The following FBXL17 variants were observed in gnomAD, a reference collection of about 807,000 sequenced individuals.
The protein encoded by FBXL17 is F-box and leucine rich repeat protein 17.
In FBXL17, 22 loss-of-function variants were observed where a neutral mutation model predicts 66.2. The observed-to-expected ratio is 0.33, with a 90% CI of 0.24 to 0.47. The LOEUF is 0.47. FBXL17 is among the 20% of genes least tolerant of loss of function. The probability of loss-of-function intolerance (pLI) is 1.00; values close to 1 mark genes in which losing one functional copy is unlikely to be tolerated. For synonymous variants in FBXL17, 474 were observed against 400.5 expected (o/e 1.18, Z -2.19); for missense variants, 878 against 948.2 (o/e 0.93, Z 0.97).
At chr5:108,294,840 A>C (rs1758280065) in intron 4 of FBXL17, among the ~76,000 whole-genome samples, 1 of 152,154 alleles carries the variant, frequency 6.6e-6, no homozygotes, top group Admixed American at 6.5e-5. Context: ...ACCTTGTTAC[A>C]GAATGACTTA....
chr5:108,237,175 T>C (rs1425251052), intron 4 of FBXL17, among the ~76,000 whole-genome samples: 3 of 152,136 alleles, frequency 2.0e-5, no homozygotes, highest in Non-Finnish European at 4.4e-5. Context: ...TAATGAAGGG[T>C]TTATTTCACT....
At chr5:108,315,836 A>G (rs1759337327) in intron 4 of FBXL17, among the ~76,000 whole-genome samples, 1 of 151,574 alleles carries the variant, frequency 6.6e-6, no homozygotes, top group Admixed American at 6.6e-5. Context: ...ACCAATTAAC[A>G]TGTCATAAGT....
intron 6 of FBXL17, among the ~76,000 whole-genome samples, chr5:108,160,112 G>C (rs1458932254): frequency 1.3e-5 from 2 of 152,160 alleles, no homozygotes; most frequent in Non-Finnish European, 2.9e-5. Flanking sequence ...GGACCTATTT[G>C]TACTCACGTT....
At chr5:108,178,666 G>A (rs1029394119) in intron 6 of FBXL17, among the ~76,000 whole-genome samples, 1 of 152,090 alleles carries the variant, frequency 6.6e-6, no homozygotes, top group Non-Finnish European at 1.5e-5. Context: ...ACCTAACCAG[G>A]CACATTATTA....
At chr5:108,206,397 C>T (rs1219303059) in intron 5 of FBXL17, among the ~76,000 whole-genome samples, 1 of 151,990 alleles carries the variant, frequency 6.6e-6, no homozygotes, top group East Asian at 1.9e-4. Context: ...ACTGACATAC[C>T]AAAGACTGCA....
chr5:108,368,983 A>C (rs1341520802), intron 1 of FBXL17, among the ~76,000 whole-genome samples: 1 of 150,660 alleles, frequency 6.6e-6, no homozygotes, highest in East Asian at 1.9e-4. Context: ...TGTGGACCTC[A>C]AGATCTTGAC....
intron 4 of FBXL17, among the ~76,000 whole-genome samples, chr5:108,335,225 C>A: frequency 7.0e-6 from 1 of 142,054 alleles, no homozygotes; most frequent in Admixed American, 7.1e-5. Flanking sequence ...TCTCCCACTC[C>A]CCCACCCCCC....
intron 6 of FBXL17, among the ~76,000 whole-genome samples, chr5:108,104,632 C>A (rs1002830913): frequency 5.3e-5 from 8 of 152,222 alleles, no homozygotes; most frequent in African/African-American, 1.7e-4. Context: ...TAAGACTAAT[C>A]CACATAAAAA....
At chr5:108,254,261 C>A (rs1756480572) in intron 4 of FBXL17, among the ~76,000 whole-genome samples, 1 of 152,112 alleles carries the variant, frequency 6.6e-6, no homozygotes, top group Non-Finnish European at 1.5e-5. Context: ...CAAGATTTTC[C>A]CCAAAATCAC....
intron 6 of FBXL17, among the ~76,000 whole-genome samples, chr5:108,151,069 G>A (rs1292354270): frequency 1.3e-5 from 2 of 152,026 alleles, no homozygotes; most frequent in Non-Finnish European, 2.9e-5. Flanking sequence ...AGGTTCTTTC[G>A]TGAGGCCTAT....
At chr5:108,042,690 G>C (rs1343542306) in intron 6 of FBXL17, among the ~76,000 whole-genome samples, 1 of 152,102 alleles carries the variant, frequency 6.6e-6, no homozygotes. Flanking sequence ...CCAGGTTTTG[G>C]CTATTTTGAA....
rs1173371599 is a variant in FBXL17 at position 108,224,118 on chromosome 5, T to C, written c.1614+3A>G. ...ACCAAGGAAAAGCAGCCATAGTACC[T>C]ACCTTGGTTAGGTGAATGACTCCTT... is the stretch of plus-strand genomic sequence containing the variant. On this transcript the variant is annotated splice_donor_region_variant and intron_variant, in intron 5 of 8. Transcript: ENST00000542267. 3.3e-6 allele frequency: 5 copies of C among 1,538,174 alleles called. No individual in the cohort carries two copies. Among genetic ancestry groups the C allele is most frequent in the South Asian group, 2.3e-5 (2 of 87,504 alleles).
Position 108,348,371 on chromosome 5 carries a change from C to A in FBXL17, c.1506+28G>T, listed in dbSNP as rs780233143. 3.3e-6 allele frequency: 5 copies of A among 1,511,862 alleles called. No individual in the cohort carries two copies. In the Admixed American group the frequency reaches 5.6e-5, roughly 17 times the overall value. The allele number at this position is 1,511,862 out of a possible 1,614,324, so 93.7% of individuals were successfully genotyped here. A position where few individuals can be genotyped will look rare whatever the true frequency, so the allele number is the denominator to read the frequency against. Reference sequence around the variant, plus strand: ...ATTCGAAGGTTAGGAACAAAATGAACAATACAAGGATGATAACAAGTACTT... The same window carrying A: ...ATTCGAAGGTTAGGAACAAAATGAAAAATACAAGGATGATAACAAGTACTT... On this transcript the variant is annotated intron_variant, in intron 4 of 8. Coordinates refer to ENST00000542267, the MANE Select transcript of FBXL17 (RefSeq NM_001163315.3).
rs558904725 is a variant in FBXL17, at chr5:107,866,934, T to C, written c.1966-5074A>G. ...GAATACAGGCTCTATGAGACAGATA[T>C]TCTTGCTGGTTTTGTTCACTGTCAA... On this transcript the variant is annotated intron_variant, in intron 8 of 8. Coordinates refer to ENST00000542267, the MANE Select transcript of FBXL17 (RefSeq NM_001163315.3). Among the ~76,000 whole-genome samples the C allele has an allele frequency of 2.6e-5, 4 of 152,318 alleles. 1 individual carries two copies. The South Asian group carries it at 6.2e-4, about 24-fold the overall frequency.
intron 6 of FBXL17, among the ~76,000 whole-genome samples, chr5:108,132,879 T>A (rs948897951): frequency 6.6e-6 from 1 of 152,196 alleles, no homozygotes; most frequent in Non-Finnish European, 1.5e-5. Context: ...AACATCTCCA[T>A]TTGGATGTTC....
rs1381742989 is a variant in FBXL17 at position 107,946,468 on chromosome 5, A to ATTATTATTG, written c.1823-65290_1823-65289insCAATAATAA. On this transcript the variant is annotated intron_variant, in intron 7 of 8. Transcript: ENST00000542267. ...ACCACACCTGCCAATTATTATTATT[A>ATTATTATTG]TTATTATTATTATTATTTTGTAGAG... Among the ~76,000 whole-genome samples, 96 of 146,176 alleles carry ATTATTATTG rather than the reference A, an allele frequency of 6.6e-4. 1 individual carries two copies. The highest frequency in any genetic ancestry group is 2.3e-3 in the African/African-American group (92 of 40,020).
At chr5:107,943,634 C>T (rs529513273) in intron 7 of FBXL17, among the ~76,000 whole-genome samples, 1 of 151,692 alleles carries the variant, frequency 6.6e-6, no homozygotes, top group African/African-American at 2.4e-5. Context: ...CTATCCTCTA[C>T]TCCACTGGTC....
At chr5:107,898,562 G>C (rs1020264162) in intron 7 of FBXL17, among the ~76,000 whole-genome samples, 1 of 151,866 alleles carries the variant, frequency 6.6e-6, no homozygotes, top group African/African-American at 2.4e-5. Context: ...ATGGTGGTTT[G>C]CTGCACCCAT....
At chr5:108,227,201 A>G (rs1337708652) in intron 4 of FBXL17, among the ~76,000 whole-genome samples, 1 of 152,176 alleles carries the variant, frequency 6.6e-6, no homozygotes, top group Admixed American at 6.6e-5. Flanking sequence ...TGTATTTTCA[A>G]CAAGCCCCCA....
Sources: gnomAD v4.1 joint callset for allele counts (sites outside exome capture counted in the v4.1 genomes callset) on GRCh38, gnomAD v4.1.1 for gene constraint, MANE v1.5 for transcripts, NCBI Gene and HGNC (gene_info 2026-07-23, HGNC 2026-07-21) for gene names.